Variants in THSD1 observed in about 807,000 individuals in gnomAD.
The protein encoded by THSD1 is thrombospondin type 1 domain containing 1.
In THSD1, 34 loss-of-function variants were observed where a neutral mutation model predicts 46.3. The ratio of observed to expected loss-of-function variants is 0.74; its 90% CI spans 0.56 to 0.98. THSD1 has a LOEUF of 0.98. THSD1 is among the 50% of genes least tolerant of loss of function. THSD1 has a pLI of 0.00. For missense variants in THSD1, 1,023 were observed against 1,058.3 expected (o/e 0.97, Z 0.46); for synonymous variants, 407 against 416.5 (o/e 0.98, Z 0.28).
chr13:52,384,471 C>T (rs766478017), intron 4 of THSD1: 22 of 450,020 alleles, frequency 4.9e-5, no homozygotes, highest in Non-Finnish European at 7.6e-5. Context: ...GTGCAAGGTC[C>T]TTAGAAAAAT....
At chr13:52,404,214 G>C (rs929353054) in intron 1 of THSD1, among the ~76,000 whole-genome samples, 2 of 152,122 alleles carry the variant, frequency 1.3e-5, no homozygotes, top group Non-Finnish European at 2.9e-5. Context: ...CCAAAGTGCT[G>C]GGATTACAGG....
chr13:52,395,992 A>C (rs1405787193), intron 3 of THSD1, among the ~76,000 whole-genome samples: 1 of 152,164 alleles, frequency 6.6e-6, no homozygotes, highest in Non-Finnish European at 1.5e-5. Flanking sequence ...TGGCAGGCGT[A>C]TCAAAAGGAC....
chr13:52,396,628 A>T (rs1300433757), intron 3 of THSD1, among the ~76,000 whole-genome samples: 1 of 152,236 alleles, frequency 6.6e-6, no homozygotes. Context: ...AAGGGAAAGA[A>T]ATGCAAAGAG....
Position 52,386,177 on chromosome 13 carries a change from C to T in THSD1, c.1031G>A (p.Gly344Glu). The T allele has an allele frequency of 8.1e-6, 13 of 1,613,988 alleles. No homozygotes were observed. Among genetic ancestry groups the T allele is most frequent in the South Asian group, 1.1e-5 (1 of 91,036 alleles). The change falls in exon 4 of 5, where the codon GGA becomes GAA. Residue 344 changes from glycine (G) to glutamate (E), a missense_variant. Physicochemically the swap from Gly to Glu is moderately conservative, Grantham distance 98. This residue lies in a region of THSD1 where 429 missense variants were observed against 518.3 expected (regional missense o/e 0.83). Transcript: ENST00000258613. Reference protein sequence around the residue: ...MLIQRNTETWGLWQPWSQCSA... With the variant: ...MLIQRNTETWELWQPWSQCSA... ...ACACTGGCTCCATGGCTGCCACAGTCCCCAAGTTTCTGCAAGGATATAAGT... is the reference window on the plus strand; with the variant it reads ...ACACTGGCTCCATGGCTGCCACAGTTCCCAAGTTTCTGCAAGGATATAAGT...
At chr13:52,399,099 C>G (rs1315357537) in intron 2 of THSD1, among the ~76,000 whole-genome samples, 1 of 152,202 alleles carries the variant, frequency 6.6e-6, no homozygotes, top group Non-Finnish European at 1.5e-5. Context: ...TCTGAAATAA[C>G]TAGGCTTGTC....
At chr13:52,402,236 A>G (rs1425205804) in intron 2 of THSD1, among the ~76,000 whole-genome samples, 1 of 152,250 alleles carries the variant, frequency 6.6e-6, no homozygotes, top group African/African-American at 2.4e-5. Flanking sequence ...GTGATTTATC[A>G]CACTTAATTA....
intron 1 of THSD1, among the ~76,000 whole-genome samples, chr13:52,403,882 T>C (rs1957884707): frequency 6.6e-6 from 1 of 151,742 alleles, no homozygotes; most frequent in South Asian, 2.1e-4. Context: ...TGTATTAATA[T>C]TAAATATAAC....
At position 52,386,679 on chromosome 13, in the gene THSD1, G is replaced by A. The variant is rs769028948; in HGVS notation, c.1022-493C>T. Among the ~76,000 whole-genome samples, 11 of 152,284 alleles carry A rather than the reference G, an allele frequency of 7.2e-5. No homozygotes were observed. In the South Asian group the frequency reaches 1.9e-3, roughly 26 times the overall value. On this transcript the variant is annotated intron_variant, in intron 3 of 4. Transcript: ENST00000258613. ...TCATCAAATACAAGAAGCACTGGGG[G>A]CAGATGCAAGACCAGACAAAGCCTC...
rs745478997 is a variant in THSD1, at chr13:52,378,185, G to C, written c.1785C>G (p.Pro595=). 1.2e-6 allele frequency: 2 copies of C among 1,614,192 alleles called. No homozygotes were observed. Among genetic ancestry groups the C allele is most frequent in the Non-Finnish European group, 8.5e-7 (1 of 1,180,046 alleles). Residue 595 remains proline, a synonymous_variant, in exon 5 of 5, where the codon CCC becomes CCG. Transcript: ENST00000258613. The part of the protein sequence containing the change: ...FRIKSPFPEQ[P]AVSAGERPPS... ...GAGGCCTTTCCCCGGCACTGACCGC[G>C]GGCTGCTCCGGAAATGGGGATTTGA...
Position 52,377,579 on chromosome 13 carries a change from T to C in THSD1, c.2391A>G (p.Lys797=), listed in dbSNP as rs1003853078. The change falls in exon 5 of 5, where the codon AAA becomes AAG. Residue 797 remains lysine (K), a synonymous_variant. Transcript: ENST00000258613. The part of the protein sequence containing the change: ...VSSLSPSQCR[K]DKCQSFPTHP... ...GAGTGGGGAAGCTTTGACACTTGTC[T>C]TTTCTACACTGAGAAGGGCTCAGAG... 8.1e-5 allele frequency: 129 copies of C among 1,600,744 alleles called. No individual in the cohort carries two copies. The highest frequency in any genetic ancestry group is 1.1e-4 in the Non-Finnish European group (123 of 1,170,724).
Position 52,378,420 on chromosome 13 carries a change from T to C in THSD1, c.1550A>G (p.Gln517Arg). ...EDDASGSESF[Q>R]SNAQKIIPPL... The stretch of plus-strand genomic sequence containing the variant: ...TGGGATTATCTTCTGGGCGTTGGAC[T>C]GGAAGCTCTCGCTGCCAGAGGCATC... Residue 517 changes from glutamine to arginine, a missense_variant, in exon 5 of 5, where the codon CAG (glutamine) becomes CGG (arginine). Coordinates refer to ENST00000258613, the MANE Select transcript of THSD1 (RefSeq NM_018676.4). 1 of 1,614,148 alleles carries C rather than the reference T, an allele frequency of 6.2e-7. No homozygotes were observed. Among genetic ancestry groups the C allele is most frequent in the African/African-American group, 1.3e-5 (1 of 75,058 alleles).
intron 4 of THSD1, among the ~76,000 whole-genome samples, chr13:52,383,785 G>T (rs1957709744): frequency 6.6e-6 from 1 of 152,190 alleles, no homozygotes; most frequent in Admixed American, 6.5e-5. Context: ...TGGAAGAAAT[G>T]ATCATTTTTA....
Position 52,378,304 on chromosome 13 carries a change from G to C in THSD1, c.1666C>G (p.Gln556Glu), listed in dbSNP as rs148515012. ...TETTKVYHVSQSPLTDTAIDA... is the reference protein window; with the variant it reads ...TETTKVYHVSESPLTDTAIDA... ...ATGGCAGTGTCTGTCAGGGGACTCTGAGACACGTGATACACTTTGGTAGTT... is the reference window on the plus strand; with the variant it reads ...ATGGCAGTGTCTGTCAGGGGACTCTCAGACACGTGATACACTTTGGTAGTT... The change falls in exon 5 of 5, where the codon CAG (glutamine) becomes GAG (glutamate). Residue 556 changes from glutamine (Q) to glutamate (E), a missense_variant. By Grantham distance (29) the Gln-to-Glu change is conservative. Transcript: ENST00000258613. 7.2e-5 allele frequency: 117 copies of C among 1,614,228 alleles called. No individual in the cohort carries two copies. In the Middle Eastern group the frequency reaches 1.6e-3, roughly 23 times the overall value.
At chr13:52,405,593 G>C (rs1033098928) in intron 1 of THSD1, among the ~76,000 whole-genome samples, 1 of 152,156 alleles carries the variant, frequency 6.6e-6, no homozygotes, top group Non-Finnish European at 1.5e-5. Context: ...CCAAATGCCC[G>C]CAAGCCCAGT....
In THSD1 at chr13:52,377,987, C is replaced by T. The variant is rs1240686253; in HGVS notation, c.1983G>A (p.Gln661=). Residue 661 remains glutamine, a synonymous_variant, in exon 5 of 5, where the codon CAG becomes CAA. Transcript: ENST00000258613. ...TGCTCCTCTCTCGGAACGGCCGGGC[C>T]TGCCTGGCTTCATGGAAACTCGCTG... ...RRTASFHEAR[Q]ARPFRERSMS... is the part of the protein sequence containing the mutation. The T allele has an allele frequency of 6.2e-7, 1 of 1,614,170 alleles. No homozygotes were observed. The highest frequency in any genetic ancestry group is 2.2e-5 in the East Asian group (1 of 44,864).
At position 52,378,470 on chromosome 13, in the gene THSD1, C is replaced by A; in HGVS notation, c.1500G>T (p.Arg500=). The A allele has an allele frequency of 6.2e-7, 1 of 1,614,220 alleles. No homozygotes were observed. Among genetic ancestry groups the A allele is most frequent in the Non-Finnish European group, 8.5e-7 (1 of 1,180,044 alleles). Residue 500 remains arginine, a synonymous_variant, in exon 5 of 5, where the codon CGG becomes CGT. Coordinates refer to ENST00000258613, the MANE Select transcript of THSD1 (RefSeq NM_018676.4). ...CATCCTCGGGAGGTACCGGCCCGCTCCGCCTGTAGGTCAGAGGGATGCCTG... is the reference window on the plus strand; with the variant it reads ...CATCCTCGGGAGGTACCGGCCCGCTACGCCTGTAGGTCAGAGGGATGCCTG... ...GDTGIPLTYR[R]SGPVPPEDDA...
In THSD1 at chr13:52,397,458, G is replaced by GCAT. The variant is rs1957820481; in HGVS notation, c.792_794dup (p.Pro264_Cys265insTer). On this transcript the variant is annotated stop_gained, in exon 3 of 5. Coordinates refer to ENST00000258613, the MANE Select transcript of THSD1 (RefSeq NM_018676.4). LOFTEE classifies it high-confidence loss of function. ...CAGTGACCACTCCTTGGACGAAGGT[G>GCAT]CATGGTGGAGGCAGCACTGTCACCT... The GCAT allele has an allele frequency of 6.2e-7, 1 of 1,613,988 alleles. No homozygotes were observed. The highest frequency in any genetic ancestry group is 1.3e-5 in the African/African-American group (1 of 74,892).
intron 3 of THSD1, among the ~76,000 whole-genome samples, chr13:52,396,335 AAC>A (rs2137743010): frequency 6.6e-6 from 1 of 152,274 alleles, no homozygotes; most frequent in South Asian, 2.1e-4. Flanking sequence ...CATCCTGGCT[AAC>A]ACAGTGAAAC....
At chr13:52,402,447 C>A in intron 2 of THSD1, 96 bp downstream of exon 2, 1 of 1,237,414 alleles carries the variant, frequency 8.1e-7, no homozygotes, top group Admixed American at 1.8e-5. Flanking sequence ...CCCTACCCTG[C>A]CTCCTTCAGG....
Sources: gnomAD v4.1 joint callset for allele counts (sites outside exome capture counted in the v4.1 genomes callset) on GRCh38, gnomAD v4.1.1 for gene constraint, gnomAD v4.1.1 regional missense constraint, MANE v1.5 for transcripts, NCBI Gene and HGNC (gene_info 2026-07-23, HGNC 2026-07-21) for gene names.